Variants in ARHGAP24 observed in about 807,000 individuals in gnomAD.
ARHGAP24 encodes the protein Rho GTPase activating protein 24, also known as rho GTPase-activating protein 24.
A neutral mutation model predicts 76.4 loss-of-function variants in ARHGAP24; 50 were observed. That is an observed-to-expected ratio of 0.65 (90% CI 0.52 to 0.83). The LOEUF is 0.83. Ranked by LOEUF, ARHGAP24 falls within the 40% of genes least tolerant of loss-of-function variation. The pLI is 0.00. For synonymous variants in ARHGAP24, 345 were observed against 323.3 expected (o/e 1.07, Z -0.72); for missense variants, 930 against 914.2 (o/e 1.02, Z -0.22).
chr4:85,990,856 G>A (rs1740279335), intron 8 of ARHGAP24: 1 of 151,986 alleles, frequency 6.6e-6, no homozygotes, highest in South Asian at 2.1e-4. Flanking sequence ...TTATGACGTT[G>A]TGCTAGTGAA....
Position 85,977,566 on chromosome 4 carries a change from A to G in ARHGAP24, c.807-4A>G, listed in dbSNP as rs1230045227. On this transcript the variant is annotated splice_polypyrimidine_tract_variant and splice_region_variant and intron_variant, in intron 7 of 9. Transcript: ENST00000395184. ...TATTTCAATCATATGCTTATACTCC[A>G]TAGATTCTTGGATGAAGTACAGTCC... The G allele has an allele frequency of 2.5e-6, 4 of 1,613,224 alleles. No individual in the cohort carries two copies. The highest frequency in any genetic ancestry group is 1.7e-5 in the Admixed American group (1 of 60,004).
intron 3 of ARHGAP24, among the ~76,000 whole-genome samples, chr4:85,759,663 G>A (rs182986937): frequency 2.9e-4 from 44 of 152,264 alleles, no homozygotes; most frequent in African/African-American, 8.7e-4. Flanking sequence ...GGACGTGTTA[G>A]AAAGTAGGCG....
chr4:85,917,686 G>A (rs942535015), intron 3 of ARHGAP24, among the ~76,000 whole-genome samples: 11 of 152,212 alleles, frequency 7.2e-5, no homozygotes, highest in African/African-American at 2.6e-4. Flanking sequence ...TTTTTCATGT[G>A]TTTTTTGGCT....
chr4:85,988,611 C>A (rs1578472759), intron 8 of ARHGAP24, among the ~76,000 whole-genome samples: 1 of 150,722 alleles, frequency 6.6e-6, no homozygotes, highest in South Asian at 2.1e-4. Flanking sequence ...TAATAATAAA[C>A]TTTTTTTAAA....
chr4:85,998,172 T>G (rs1389334399), intron 9 of ARHGAP24, among the ~76,000 whole-genome samples: 1 of 152,218 alleles, frequency 6.6e-6, no homozygotes, highest in African/African-American at 2.4e-5. Context: ...AAAGATACTT[T>G]AAAATTTCCT....
At chr4:85,714,290 A>G (rs1724649211) in intron 2 of ARHGAP24, among the ~76,000 whole-genome samples, 1 of 152,176 alleles carries the variant, frequency 6.6e-6, no homozygotes, top group Non-Finnish European at 1.5e-5. Context: ...TATATCAGGG[A>G]CACTCAAAAT....
At chr4:85,970,884 T>C (rs976852016) in intron 5 of ARHGAP24, among the ~76,000 whole-genome samples, 4 of 152,148 alleles carry the variant, frequency 2.6e-5, no homozygotes, top group Non-Finnish European at 4.4e-5. Context: ...CACACACAAA[T>C]TAAAACTCTA....
intron 3 of ARHGAP24, among the ~76,000 whole-genome samples, chr4:85,772,219 C>G (rs1727157773): frequency 1.3e-5 from 2 of 152,142 alleles, no homozygotes; most frequent in African/African-American, 2.4e-5. Flanking sequence ...TTAATTCCCA[C>G]TTCATAGGTA....
At chr4:85,873,832 G>A (rs747887460) in intron 3 of ARHGAP24, among the ~76,000 whole-genome samples, 1 of 152,182 alleles carries the variant, frequency 6.6e-6, no homozygotes, top group Admixed American at 6.5e-5. Flanking sequence ...ACAGATCAGA[G>A]CAGTGGCTTC....
intron 2 of ARHGAP24, among the ~76,000 whole-genome samples, chr4:85,631,269 C>A (rs1019427898): frequency 1.1e-4 from 16 of 152,048 alleles, no homozygotes; most frequent in Non-Finnish European, 1.6e-4. Context: ...ATATATCTTT[C>A]TTAATTCTCT....
chr4:85,881,321 T>C (rs1270099405), intron 3 of ARHGAP24, among the ~76,000 whole-genome samples: 1 of 152,250 alleles, frequency 6.6e-6, no homozygotes, highest in East Asian at 1.9e-4. Context: ...TTTCTTTTAA[T>C]ATTTTCATAC....
At chr4:85,563,480 G>C (rs1726680465) in intron 1 of ARHGAP24, among the ~76,000 whole-genome samples, 1 of 152,096 alleles carries the variant, frequency 6.6e-6, no homozygotes, top group Non-Finnish European at 1.5e-5. Context: ...AAATTTTCTG[G>C]TGTCTCTTCT....
intron 3 of ARHGAP24, among the ~76,000 whole-genome samples, chr4:85,831,760 G>A (rs1730003269): frequency 6.6e-6 from 1 of 152,032 alleles, no homozygotes; most frequent in Non-Finnish European, 1.5e-5. Context: ...AAATTAGTGG[G>A]ACATGGTGGT....
chr4:85,930,808 A>G (rs1736285973), intron 4 of ARHGAP24: 2 of 1,513,270 alleles, frequency 1.3e-6, no homozygotes, highest in Non-Finnish European at 1.8e-6. Context: ...AAAACCTTCA[A>G]ATTCTAGGGA....
intron 2 of ARHGAP24, among the ~76,000 whole-genome samples, chr4:85,634,360 A>G (rs1480081177): frequency 6.6e-6 from 1 of 151,904 alleles, no homozygotes; most frequent in Non-Finnish European, 1.5e-5. Flanking sequence ...GATCATGATA[A>G]TAACAAACAT....
At chr4:85,997,389 TAGATAG>T (rs1560776678) in intron 9 of ARHGAP24, among the ~76,000 whole-genome samples, 105 of 149,340 alleles carry the variant, frequency 7.0e-4, no homozygotes, top group African/African-American at 2.6e-3. Flanking sequence ...GATAGATAGA[TAGATAG>T]ATAGATAGAT....
intron 5 of ARHGAP24, among the ~76,000 whole-genome samples, chr4:85,968,546 A>C (rs1738766783): frequency 2.0e-5 from 3 of 152,174 alleles, no homozygotes; most frequent in Admixed American, 2.0e-4. Context: ...AAGGCTAGAG[A>C]GTATGATTGA....
chr4:85,574,970 G>C (rs1232644999), intron 2 of ARHGAP24, among the ~76,000 whole-genome samples: 1 of 152,172 alleles, frequency 6.6e-6, no homozygotes, highest in Non-Finnish European at 1.5e-5. Context: ...AGGCAAAGGT[G>C]CCTCAAGGCT....
At chr4:85,679,405 G>T (rs192669697) in intron 2 of ARHGAP24, among the ~76,000 whole-genome samples, 1 of 152,120 alleles carries the variant, frequency 6.6e-6, no homozygotes, top group Non-Finnish European at 1.5e-5. Flanking sequence ...CTGAACAGCC[G>T]TGCCAAAATG....
Sources: allele counts gnomAD v4.1 joint callset (sites outside exome capture counted in the v4.1 genomes callset), GRCh38; gene constraint gnomAD v4.1.1; transcripts MANE v1.5; gene names NCBI Gene and HGNC (gene_info 2026-07-23, HGNC 2026-07-21).